THUMPD2: variants seen among roughly 807,000 people sequenced by gnomAD.
THUMPD2 encodes THUMP domain 2 tRNA and snRNA guanosine methyltransferase.
Under a neutral mutation model 49.4 loss-of-function variants are expected in THUMPD2, and 56 were observed. The observed-to-expected ratio is 1.13, with a 90% CI of 0.91 to 1.41. THUMPD2 has a LOEUF of 1.41. Among genes scored for constraint, THUMPD2 ranks in the 40% most tolerant of loss-of-function variants. The probability of loss-of-function intolerance (pLI) is 0.00; values close to 1 mark genes in which losing one functional copy is unlikely to be tolerated. For missense variants in THUMPD2, 709 were observed against 594.5 expected (o/e 1.19, Z -2.00); for synonymous variants, 237 against 205.2 (o/e 1.15, Z -1.32).
chr2:39,773,491 G>GGAA (rs2148347925), intron 1 of THUMPD2, among the ~76,000 whole-genome samples: 1 of 147,372 alleles, frequency 6.8e-6, no homozygotes, highest in Admixed American at 6.8e-5. Flanking sequence ...AACATCAAGG[G>GGAA]AAGCATTTTA....
chr2:39,769,673 C>A (rs2148332323), intron 3 of THUMPD2, 37 bp downstream of exon 3: 1 of 1,468,592 alleles, frequency 6.8e-7, no homozygotes, highest in African/African-American at 1.5e-5. Flanking sequence ...TGCATTCCAG[C>A]CTGGGCGACA....
intron 1 of THUMPD2, among the ~76,000 whole-genome samples, chr2:39,777,809 A>G (rs1280849539): frequency 6.6e-6 from 1 of 152,220 alleles, no homozygotes; most frequent in African/African-American, 2.4e-5. Flanking sequence ...CTGGTAATAA[A>G]GTTTTCCCCA....
In THUMPD2 at chr2:39,770,057, T is replaced by A; in HGVS notation, c.325A>T (p.Ile109Phe). ...TCAAGAAGATTTTTCCAAATTGAAA[T>A]GGCATTCAACCAACTTCCTGGATCT... ...NEDPGSWLNA[I>F]SIWKNLLELD... The change falls in exon 3 of 10, where the codon ATT (isoleucine) becomes TTT (phenylalanine). Residue 109 changes from isoleucine to phenylalanine, a missense_variant. Ile to Phe is a conservative substitution (Grantham distance 21). Transcript: ENST00000505747. The A allele has an allele frequency of 6.4e-7, 1 of 1,566,122 alleles. No homozygotes were observed. Among genetic ancestry groups the A allele is most frequent in the South Asian group, 1.2e-5 (1 of 81,232 alleles).
chr2:39,770,186 C>A, intron 2 of THUMPD2, 67 bp from the exon 3 acceptor site: 1 of 1,110,210 alleles, frequency 9.0e-7, no homozygotes, highest in East Asian at 2.9e-5. Context: ...AATCATCACC[C>A]TCAAACTCAA....
chr2:39,739,974 T>C (rs77957709), intron 9 of THUMPD2, among the ~76,000 whole-genome samples: 3 of 152,124 alleles, frequency 2.0e-5, no homozygotes, highest in East Asian at 3.9e-4. Flanking sequence ...GAAGATGTAA[T>C]AGTAGTAGTA....
At chr2:39,765,939 G>A (rs1677455102) in intron 5 of THUMPD2, 118 bp downstream of exon 5, 1 of 795,344 alleles carries the variant, frequency 1.3e-6, no homozygotes, top group Non-Finnish European at 2.1e-6. Flanking sequence ...GAATTCAAAT[G>A]CTTTGCCTTT....
Position 39,769,695 on chromosome 2 carries a change from A to G in THUMPD2, c.672+15T>C, listed in dbSNP as rs576485374. 1.0e-5 allele frequency: 15 copies of G among 1,494,060 alleles called. No homozygotes were observed. The South Asian group carries it at 2.1e-4, about 21-fold the overall frequency. 92.6% of individuals were successfully genotyped at this position (1,494,060 alleles called of 1,614,324 possible). A position where few individuals can be genotyped will look rare whatever the true frequency, so the allele number is the denominator to read the frequency against. On this transcript the variant is annotated intron_variant, in intron 3 of 9. Coordinates refer to ENST00000505747, the MANE Select transcript of THUMPD2 (RefSeq NM_025264.5). ...CAGCCTGGGCGACAGACTCCACTTT[A>G]GGATGCAAGCATACCTGTGCAGTGA...
chr2:39,740,382 A>T (rs1673739491), intron 9 of THUMPD2, among the ~76,000 whole-genome samples: 1 of 152,214 alleles, frequency 6.6e-6, no homozygotes, highest in Non-Finnish European at 1.5e-5. Flanking sequence ...AAAAAAAGCA[A>T]TGCTACAGTA....
intron 8 of THUMPD2, among the ~76,000 whole-genome samples, chr2:39,745,499 A>C (rs1674459151): frequency 6.6e-6 from 1 of 152,206 alleles, no homozygotes; most frequent in African/African-American, 2.4e-5. Flanking sequence ...GATATAGTAC[A>C]CATCCATTTA....
chr2:39,773,555 AAAAATATATATATATTTATATT>A (rs1558542643), intron 1 of THUMPD2, among the ~76,000 whole-genome samples: 3 of 40,072 alleles, frequency 7.5e-5, no homozygotes, highest in African/African-American at 5.9e-4. Context: ...ATTTATATTT[AAAAATATATATATATTTATATT>A]TTAAAAATAT....
intron 6 of THUMPD2, among the ~76,000 whole-genome samples, chr2:39,756,391 T>A (rs1676125083): frequency 6.6e-6 from 1 of 150,806 alleles, no homozygotes; most frequent in African/African-American, 2.4e-5. Flanking sequence ...GAGAATGGCG[T>A]GAACCTGGGA....
chr2:39,747,670 G>A (rs1674796273), intron 8 of THUMPD2, among the ~76,000 whole-genome samples: 1 of 151,512 alleles, frequency 6.6e-6, no homozygotes, highest in Non-Finnish European at 1.5e-5. Context: ...ACTTTTTTTT[G>A]AGAAAAAATA....
intron 8 of THUMPD2, among the ~76,000 whole-genome samples, chr2:39,749,429 G>T (rs929835485): frequency 6.6e-6 from 1 of 152,128 alleles, no homozygotes; most frequent in East Asian, 1.9e-4. Flanking sequence ...TTTTGCTTAG[G>T]TGCATAACAA....
intron 6 of THUMPD2, among the ~76,000 whole-genome samples, chr2:39,759,924 A>G (rs564250718): frequency 2.0e-5 from 3 of 152,354 alleles, no homozygotes; most frequent in African/African-American, 7.2e-5. Context: ...TACCCAAGCA[A>G]TAAGTAAACC....
intron 1 of THUMPD2, 30 bp downstream of exon 1, chr2:39,779,084 C>T: frequency 6.7e-7 from 1 of 1,488,860 alleles, no homozygotes; most frequent in Non-Finnish European, 8.9e-7. Context: ...GGCCGCCCAC[C>T]TCCCCAGGCG....
At chr2:39,762,377 T>A (rs1046908104) in intron 5 of THUMPD2, among the ~76,000 whole-genome samples, 2 of 152,184 alleles carry the variant, frequency 1.3e-5, no homozygotes, top group Non-Finnish European at 2.9e-5. Context: ...TTGCCTCTCA[T>A]CTTTCTTTGA....
intron 1 of THUMPD2, among the ~76,000 whole-genome samples, chr2:39,778,207 T>C (rs185951041): frequency 8.7e-4 from 132 of 152,366 alleles, no homozygotes; most frequent in African/African-American, 3.1e-3. Context: ...GCCTGACACA[T>C]ATTAAATGTT....
intron 8 of THUMPD2, among the ~76,000 whole-genome samples, chr2:39,747,811 A>G (rs962316411): frequency 6.6e-6 from 1 of 152,102 alleles, no homozygotes; most frequent in African/African-American, 2.4e-5. Context: ...AGTGCCTTTG[A>G]CAAATATGTT....
rs1285362974 is a variant in THUMPD2, at chr2:39,755,885, T to G, written c.963+4A>C. On this transcript the variant is annotated splice_donor_region_variant and intron_variant, in intron 7 of 9. Transcript: ENST00000505747. Reference sequence around the variant, plus strand: ...TGCTTGCTTTACCAAACTTTAGAACTTACTGGCCATTCTTTAGCAGCTTCC... The same window carrying G: ...TGCTTGCTTTACCAAACTTTAGAACGTACTGGCCATTCTTTAGCAGCTTCC... The G allele has an allele frequency of 6.2e-7, 1 of 1,613,640 alleles. No individual in the cohort carries two copies.
Sources: gnomAD v4.1 joint callset for allele counts (sites outside exome capture counted in the v4.1 genomes callset) on GRCh38, gnomAD v4.1.1 for gene constraint, MANE v1.5 for transcripts, NCBI Gene and HGNC (gene_info 2026-07-23, HGNC 2026-07-21) for gene names.